Variants in KIF4A observed in about 807,000 individuals in gnomAD.
KIF4A encodes chromosome-associated kinesin KIF4A.
A neutral mutation model predicts 105.9 loss-of-function variants in KIF4A; 7 were observed. The ratio of observed to expected loss-of-function variants is 0.07; its 90% CI spans 0.04 to 0.12. The LOEUF is 0.12. KIF4A is among the 10% of genes least tolerant of loss of function. The pLI is 1.00. For synonymous variants in KIF4A, 281 were observed against 331.3 expected, an observed-to-expected ratio of 0.85 and a Z score of 1.65; for missense variants, 558 against 929.2, an observed-to-expected ratio of 0.60 and a Z score of 5.19.
At chrX:70,392,883 C>T (rs983117026) in intron 20 of KIF4A, among the ~76,000 whole-genome samples, 1 of 106,028 alleles carries the variant, frequency 9.4e-6, no homozygotes, top group Non-Finnish European at 1.9e-5. Flanking sequence ...TATTTTGAGA[C>T]GGAGTCTCGC....
At chrX:70,304,338 A>G (rs1203475117) in intron 7 of KIF4A, among the ~76,000 whole-genome samples, 12 of 100,927 alleles carry the variant, frequency 1.2e-4, no homozygotes, top group Non-Finnish European at 2.0e-4. Context: ...CCAGTCTATC[A>G]TTGTTGGACA....
intron 15 of KIF4A, among the ~76,000 whole-genome samples, chrX:70,362,639 C>A (rs996966954): frequency 6.3e-5 from 7 of 111,443 alleles, no homozygotes; most frequent in Non-Finnish European, 1.9e-5. Flanking sequence ...TCAAGCAATT[C>A]TCCTGCCTCA....
At chrX:70,373,829 CACACACACACACACACAT>C (rs2086163462) in intron 15 of KIF4A, among the ~76,000 whole-genome samples, 1 of 88,793 alleles carries the variant, frequency 1.1e-5, no homozygotes, top group Non-Finnish European at 2.1e-5. Context: ...CACACATGTA[CACACACACACACACACAT>C]ACACACACAC....
At chrX:70,319,241 C>T (rs959035069) in intron 7 of KIF4A, among the ~76,000 whole-genome samples, 2 of 111,485 alleles carry the variant, frequency 1.8e-5, no homozygotes, top group Admixed American at 1.9e-4. Flanking sequence ...CCAGCCTGGG[C>T]AACAGGGCGG....
At chrX:70,324,489 C>G (rs148391172) in intron 7 of KIF4A, among the ~76,000 whole-genome samples, 195 of 111,951 alleles carry the variant, frequency 1.7e-3, no homozygotes, top group Middle Eastern at 0.014. Flanking sequence ...CCTTTCACAT[C>G]CAGAAGTTAG....
At chrX:70,391,648 G>T (rs1019011462) in intron 20 of KIF4A, among the ~76,000 whole-genome samples, 8 of 109,056 alleles carry the variant, frequency 7.3e-5, no homozygotes, top group Admixed American at 6.9e-4. Context: ...AGGATTACAT[G>T]TGCAGGTTTG....
chrX:70,342,273 C>T (rs2085975410), intron 11 of KIF4A, among the ~76,000 whole-genome samples: 1 of 112,330 alleles, frequency 8.9e-6, no homozygotes, highest in African/African-American at 3.2e-5. Flanking sequence ...TACCAAGTAA[C>T]CATTCCTTCT....
At position 70,308,101 on chromosome X, in the gene KIF4A, C is replaced by T. The variant is rs548960682; in HGVS notation, c.778+5703C>T. The stretch of plus-strand genomic sequence containing the variant: ...TCCTGAGCATGTAGACAGCCCTATA[C>T]ATTCAGACAACTTTCTAGACCTTCA... On this transcript the variant is annotated intron_variant, in intron 7 of 30. Coordinates refer to ENST00000374403, the MANE Select transcript of KIF4A (RefSeq NM_012310.5). 6.3e-5 allele frequency among the ~76,000 whole-genome samples: 7 copies of T among 111,934 alleles called. No homozygotes were observed. The South Asian group carries it at 2.6e-3, about 42-fold the overall frequency.
intron 7 of KIF4A, among the ~76,000 whole-genome samples, chrX:70,317,157 A>C (rs1293701726): frequency 8.9e-6 from 1 of 111,799 alleles, no homozygotes; most frequent in South Asian, 3.7e-4. Flanking sequence ...AGTTGCTTTG[A>C]ATAATGCTAT....
chrX:70,403,686 T>C (rs928050199), intron 23 of KIF4A, among the ~76,000 whole-genome samples, 178 bp from the exon 24 acceptor site: 2 of 112,197 alleles, frequency 1.8e-5, no homozygotes, highest in African/African-American at 6.5e-5. Flanking sequence ...AATAGAACAA[T>C]AGTATATTTA....
chrX:70,408,126 C>T (rs1441918064), intron 28 of KIF4A, among the ~76,000 whole-genome samples: 4 of 110,753 alleles, frequency 3.6e-5, no homozygotes, highest in South Asian at 7.8e-4. Context: ...GATGGACCCC[C>T]GACCCACAGG....
At position 70,403,407 on chromosome X, in the gene KIF4A, G is replaced by A. The variant is rs749650486; in HGVS notation, c.2620-457G>A. Reference sequence around the variant, plus strand: ...GCCAGTGTAGGATATGTAGCCTGAAGAGCCAGATCTGCAGTCTCAGTCTAC... The same window carrying A: ...GCCAGTGTAGGATATGTAGCCTGAAAAGCCAGATCTGCAGTCTCAGTCTAC... On this transcript the variant is annotated intron_variant, in intron 23 of 30. Coordinates refer to ENST00000374403, the MANE Select transcript of KIF4A (RefSeq NM_012310.5). Among the ~76,000 whole-genome samples, 4 of 112,556 alleles carry A rather than the reference G, an allele frequency of 3.6e-5. No homozygotes were observed. The South Asian group carries it at 1.5e-3, about 42-fold the overall frequency.
intron 15 of KIF4A, among the ~76,000 whole-genome samples, chrX:70,366,086 G>T (rs1366413459): frequency 9.0e-6 from 1 of 111,583 alleles, no homozygotes; most frequent in African/African-American, 3.3e-5. Context: ...GATCGGCGGT[G>T]ATATCTCCTT....
chrX:70,338,851 C>G (rs962574368), intron 10 of KIF4A, among the ~76,000 whole-genome samples: 2 of 110,901 alleles, frequency 1.8e-5, no homozygotes, highest in Admixed American at 9.6e-5. Flanking sequence ...TTTGGGAGGC[C>G]GAGGTGGGCG....
chrX:70,292,410 T>C (rs2085764737), intron 3 of KIF4A, among the ~76,000 whole-genome samples: 1 of 112,549 alleles, frequency 8.9e-6, no homozygotes, highest in Non-Finnish European at 1.9e-5. Context: ...ACAGGCCAGT[T>C]ATTTTGTAAA....
At chrX:70,343,631 A>G (rs2085980427) in intron 11 of KIF4A, 72 bp from the exon 12 acceptor site, 1 of 939,022 alleles carries the variant, frequency 1.1e-6, no homozygotes, top group African/African-American at 1.9e-5. Context: ...TTTAATTCAT[A>G]GGAGTAGGAG....
intron 4 of KIF4A, 140 bp from the exon 5 acceptor site, chrX:70,298,973 C>T: frequency 4.7e-6 from 2 of 424,885 alleles, no homozygotes; most frequent in Non-Finnish European, 8.0e-6. Flanking sequence ...CTTAATTCTA[C>T]AAGTAATACA....
At chrX:70,320,894 C>T (rs1447596400) in intron 7 of KIF4A, among the ~76,000 whole-genome samples, 1 of 111,939 alleles carries the variant, frequency 8.9e-6, no homozygotes, top group Non-Finnish European at 1.9e-5. Context: ...AATACCCTGA[C>T]TTGATCATTA....
At chrX:70,337,440 G>C (rs1478186771) in intron 10 of KIF4A, among the ~76,000 whole-genome samples, 2 of 111,604 alleles carry the variant, frequency 1.8e-5, no homozygotes, top group Non-Finnish European at 3.8e-5. Flanking sequence ...GGAAGCAAAG[G>C]TGGGCAGATT....
Sources: gnomAD v4.1 joint callset for allele counts (sites outside exome capture counted in the v4.1 genomes callset) on GRCh38, gnomAD v4.1.1 for gene constraint, MANE v1.5 for transcripts, NCBI Gene and HGNC (gene_info 2026-07-23, HGNC 2026-07-21) for gene names.